Variants in KCNMA1 observed in about 807,000 individuals in gnomAD.
KCNMA1 encodes the protein Calcium-activated potassium channel subunit alpha-1.
A neutral mutation model predicts 140.0 loss-of-function variants in KCNMA1; 29 were observed. The observed-to-expected ratio is 0.21, with a 90% CI of 0.15 to 0.28. KCNMA1 has a LOEUF of 0.28. Ranked by LOEUF, KCNMA1 falls within the 10% of genes least tolerant of loss-of-function variation. The pLI, the probability that KCNMA1 is intolerant of heterozygous loss-of-function variation, is 1.00. For missense variants in KCNMA1, 880 were observed against 1,602.2 expected, an observed-to-expected ratio of 0.55 and a Z score of 7.70; for synonymous variants, 612 against 611.9, an observed-to-expected ratio of 1.00 and a Z score of 0.00.
At chr10:77,206,918 G>A (rs1285920792) in intron 3 of KCNMA1, among the ~76,000 whole-genome samples, 1 of 152,018 alleles carries the variant, frequency 6.6e-6, no homozygotes, top group South Asian at 2.1e-4. Context: ...ATTAGGATCA[G>A]GCTGCTCCCA....
At chr10:76,914,897 A>G (rs1289204448) in intron 24 of KCNMA1, 39 bp downstream of exon 24, 1 of 1,415,294 alleles carries the variant, frequency 7.1e-7, no homozygotes, top group Admixed American at 1.7e-5. Context: ...TTTGAAAGAC[A>G]GAACAAAAAC....
At chr10:77,471,663 T>A (rs936955085) in intron 1 of KCNMA1, among the ~76,000 whole-genome samples, 34 of 143,904 alleles carry the variant, frequency 2.4e-4, no homozygotes, top group Admixed American at 1.9e-3. Flanking sequence ...CATCACACAC[T>A]ACACACACAC....
intron 1 of KCNMA1, among the ~76,000 whole-genome samples, chr10:77,494,457 C>T (rs1295068908): frequency 2.6e-5 from 4 of 152,192 alleles, no homozygotes; most frequent in African/African-American, 2.4e-5. Flanking sequence ...GCTGGACAAA[C>T]GGGCACATGG....
intron 23 of KCNMA1, among the ~76,000 whole-genome samples, chr10:76,918,201 G>A (rs750947126): frequency 1.3e-5 from 2 of 152,340 alleles, no homozygotes; most frequent in Non-Finnish European, 2.9e-5. Flanking sequence ...CTAGAGAACA[G>A]TGAAACTGGG....
At chr10:76,894,500 A>C (rs548888802) in intron 25 of KCNMA1, among the ~76,000 whole-genome samples, 1 of 152,362 alleles carries the variant, frequency 6.6e-6, no homozygotes, top group Admixed American at 6.5e-5. Context: ...AATTTAAAAA[A>C]TATTTGTTCT....
At chr10:77,248,793 T>C (rs1181657359) in intron 3 of KCNMA1, among the ~76,000 whole-genome samples, 1 of 152,194 alleles carries the variant, frequency 6.6e-6, no homozygotes, top group African/African-American at 2.4e-5. Context: ...TGGAAATCTA[T>C]GGACTTACCA....
intron 1 of KCNMA1, among the ~76,000 whole-genome samples, chr10:77,404,598 ATCTG>A (rs1409530312): frequency 2.0e-5 from 3 of 152,144 alleles, no homozygotes; most frequent in Non-Finnish European, 2.9e-5. Flanking sequence ...AGGAAACGCA[ATCTG>A]TCTAAGATTA....
At chr10:77,319,679 C>G (rs556447878) in intron 2 of KCNMA1, among the ~76,000 whole-genome samples, 3 of 152,194 alleles carry the variant, frequency 2.0e-5, no homozygotes, top group Non-Finnish European at 4.4e-5. Flanking sequence ...TTTGCTCTAG[C>G]CAATGTAACA....
chr10:76,993,588 G>A (rs2083369643), intron 19 of KCNMA1, among the ~76,000 whole-genome samples: 1 of 152,146 alleles, frequency 6.6e-6, no homozygotes, highest in African/African-American at 2.4e-5. Context: ...AGAACAGCTG[G>A]GGCCCGCCCA....
chr10:77,492,240 T>A (rs895235175), intron 1 of KCNMA1, among the ~76,000 whole-genome samples: 2 of 152,098 alleles, frequency 1.3e-5, no homozygotes, highest in Admixed American at 1.3e-4. Flanking sequence ...GCTTCCACAC[T>A]CTCTGCCTTC....
chr10:77,580,557 T>C (rs1308057482), intron 1 of KCNMA1, among the ~76,000 whole-genome samples: 1 of 152,174 alleles, frequency 6.6e-6, no homozygotes. Context: ...ACTTGGGAAA[T>C]GCAGGGCAGG....
At chr10:76,871,721 C>T (rs80044113) in exon 28 of KCNMA1, 8,772 of 152,218 alleles carry the variant, frequency 0.058, 297 homozygotes, top group South Asian at 0.16. Flanking sequence ...ACCTAGAATG[C>T]TGATCCTCTA....
chr10:77,439,578 C>T (rs554879101), intron 1 of KCNMA1, among the ~76,000 whole-genome samples: 40 of 152,288 alleles, frequency 2.6e-4, no homozygotes, highest in African/African-American at 9.1e-4. Flanking sequence ...GGGAAAAGCT[C>T]ACCACCCCAA....
chr10:77,589,310 A>C (rs565925391), intron 1 of KCNMA1, among the ~76,000 whole-genome samples: 1 of 152,306 alleles, frequency 6.6e-6, no homozygotes, highest in Non-Finnish European at 1.5e-5. Context: ...TCTAGGTCTC[A>C]GTTAAAACGA....
intron 15 of KCNMA1, among the ~76,000 whole-genome samples, chr10:77,031,310 A>T (rs530300004): frequency 3.4e-4 from 51 of 152,220 alleles, no homozygotes; most frequent in Non-Finnish European, 7.1e-4. Flanking sequence ...ATAGGGCCAC[A>T]TTGGCACCAC....
chr10:77,533,870 G>A (rs2058277872), intron 1 of KCNMA1, among the ~76,000 whole-genome samples: 1 of 152,164 alleles, frequency 6.6e-6, no homozygotes, highest in Non-Finnish European at 1.5e-5. Flanking sequence ...TGTCTCTATA[G>A]AGCCAAAGCT....
chr10:77,511,141 A>G (rs1440224411), intron 1 of KCNMA1, among the ~76,000 whole-genome samples: 1 of 152,220 alleles, frequency 6.6e-6, no homozygotes. Flanking sequence ...TTGTTAAACC[A>G]GCGTCCTGGG....
intron 3 of KCNMA1, among the ~76,000 whole-genome samples, chr10:77,241,613 A>G (rs2057297533): frequency 6.6e-6 from 1 of 151,874 alleles, no homozygotes; most frequent in Non-Finnish European, 1.5e-5. Context: ...GCACCACTGC[A>G]CTCCAGTCTG....
intron 5 of KCNMA1, among the ~76,000 whole-genome samples, chr10:77,155,018 G>A (rs1250922072): frequency 1.3e-5 from 2 of 152,164 alleles, no homozygotes; most frequent in African/African-American, 2.4e-5. Flanking sequence ...GCCATCCAAA[G>A]GAGCGGGTTG....
Sources: gnomAD v4.1 joint callset for allele counts (sites outside exome capture counted in the v4.1 genomes callset) on GRCh38, gnomAD v4.1.1 for gene constraint, MANE v1.5 for transcripts, NCBI Gene and HGNC (gene_info 2026-07-23, HGNC 2026-07-21) for gene names.